The following ZNF484 variants were observed in gnomAD, a reference collection of about 807,000 sequenced individuals.
ZNF484 encodes the protein KRAB box containing C2H2 type zinc finger bA526D8.4.
A neutral mutation model predicts 12.9 loss-of-function variants in ZNF484; 11 were observed. That is an observed-to-expected ratio of 0.85 (90% confidence interval 0.54 to 1.41). The LOEUF is 1.41. ZNF484 is among the 40% of genes most tolerant of loss of function. The pLI, the probability that ZNF484 is intolerant of heterozygous loss-of-function variation, is 0.00. For synonymous variants in ZNF484, 289 were observed against 334.1 expected, an observed-to-expected ratio of 0.86 and a Z score of 1.47; for missense variants, 807 against 1,007.7, an observed-to-expected ratio of 0.80 and a Z score of 2.70.
intron 2 of ZNF484, among the ~76,000 whole-genome samples, chr9:92,856,945 C>T (rs1856502612): frequency 6.6e-6 from 1 of 152,158 alleles, no homozygotes; most frequent in South Asian, 2.1e-4. Context: ...AGGATGGTCT[C>T]GATCTCCTGA....
chr9:92,863,759 G>A (rs956424725), intron 2 of ZNF484, among the ~76,000 whole-genome samples: 6 of 152,224 alleles, frequency 3.9e-5, no homozygotes, highest in African/African-American at 1.4e-4. Flanking sequence ...TGCACATATT[G>A]AGATTACAGG....
chr9:92,857,882 C>T (rs1856557124), intron 2 of ZNF484, among the ~76,000 whole-genome samples: 1 of 152,168 alleles, frequency 6.6e-6, no homozygotes, highest in South Asian at 2.1e-4. Context: ...CTCAGCCCCA[C>T]AAGTAGCTGG....
chr9:92,856,136 G>T, intron 3 of ZNF484, 56 bp downstream of exon 3: 1 of 1,598,182 alleles, frequency 6.3e-7, no homozygotes, highest in Non-Finnish European at 8.5e-7. Context: ...CTACTGAGAA[G>T]AAAAATATAC....
intron 2 of ZNF484, among the ~76,000 whole-genome samples, chr9:92,872,870 CTT>C (rs1857541301): frequency 6.6e-6 from 1 of 151,586 alleles, no homozygotes; most frequent in Non-Finnish European, 1.5e-5. Context: ...TCATCAGAAA[CTT>C]TGGAGGCCAG....
intron 2 of ZNF484, among the ~76,000 whole-genome samples, chr9:92,860,850 AAAG>A (rs1856747072): frequency 6.6e-6 from 1 of 152,164 alleles, no homozygotes; most frequent in Non-Finnish European, 1.5e-5. Context: ...GAATGACAGC[AAAG>A]AAGAAGTAGC....
At position 92,856,321 on chromosome 9, in the gene ZNF484, G is replaced by GC. The variant is rs765822675; in HGVS notation, c.16-4_16-3insG. 3.0e-5 allele frequency: 37 copies of GC among 1,244,806 alleles called. No homozygotes were observed. In the East Asian group the frequency reaches 1.1e-3, roughly 36 times the overall value. The allele number at this position is 1,244,806 out of a possible 1,614,324, so 77.1% of individuals were successfully genotyped here. On this transcript the variant is annotated splice_region_variant and splice_polypyrimidine_tract_variant and intron_variant, in intron 2 of 4. Coordinates refer to ENST00000375495, the MANE Select transcript of ZNF484 (RefSeq NM_031486.4). ...ACGTCCTTGAATGACACTGATTCCT[G>GC]TTAAAAAAAAAAAACAAACTTTAAA...
chr9:92,865,754 A>G lies in ZNF484; in HGVS notation c.15+9261T>C, dbSNP rs182760174. Among the ~76,000 whole-genome samples the G allele has an allele frequency of 1.6e-3, 240 of 152,246 alleles. 1 individual carries two copies. Among genetic ancestry groups the G allele is most frequent in the Non-Finnish European group, 2.3e-3 (154 of 68,014 alleles). On this transcript the variant is annotated intron_variant, in intron 2 of 4. Transcript: ENST00000375495. ...AGACGCCGTCTCTACAAAAAGAAAAAAAAAATTAGCCAGGCATGGTGGCAT... is the reference window on the plus strand; with the variant it reads ...AGACGCCGTCTCTACAAAAAGAAAAGAAAAATTAGCCAGGCATGGTGGCAT...
rs531765672 is a variant in ZNF484 at position 92,844,520 on chromosome 9, T to G, written c.*1708A>C. On this transcript the variant is annotated 3_prime_UTR_variant, in exon 5 of 5. Transcript: ENST00000375495. ...GAAAAATTACACCTAGGCATATCAA[T>G]GTGCAACAGTTAAAAAACAAAGACA... 1.3e-5 allele frequency among the ~76,000 whole-genome samples: 2 copies of G among 152,120 alleles called. No homozygotes were observed. The highest frequency in any genetic ancestry group is 4.8e-5 in the African/African-American group (2 of 41,426).
intron 2 of ZNF484, among the ~76,000 whole-genome samples, chr9:92,864,183 T>G (rs1856936540): frequency 6.6e-6 from 1 of 152,238 alleles, no homozygotes; most frequent in Non-Finnish European, 1.5e-5. Context: ...AATTCTTAGC[T>G]GGCTACTCTG....
chr9:92,874,617 G>A (rs1857683735), intron 2 of ZNF484, among the ~76,000 whole-genome samples: 1 of 152,066 alleles, frequency 6.6e-6, no homozygotes. Flanking sequence ...TGGCCTGTTA[G>A]TGCACTTTCA....
At chr9:92,865,275 A>C (rs553900593) in intron 2 of ZNF484, among the ~76,000 whole-genome samples, 2 of 152,154 alleles carry the variant, frequency 1.3e-5, no homozygotes, top group East Asian at 3.9e-4. Flanking sequence ...ACTTGTCTCT[A>C]TAAAAAATCA....
At chr9:92,862,611 T>C (rs1354263911) in intron 2 of ZNF484, among the ~76,000 whole-genome samples, 1 of 131,150 alleles carries the variant, frequency 7.6e-6, no homozygotes, top group Non-Finnish European at 1.7e-5. Context: ...GAGAAGTCTG[T>C]ATGCAGTGAA....
chr9:92,876,975 A>G (rs1203590588), intron 1 of ZNF484, among the ~76,000 whole-genome samples: 1 of 152,196 alleles, frequency 6.6e-6, no homozygotes, highest in African/African-American at 2.4e-5. Flanking sequence ...CTTCAAGGAA[A>G]ATCTTGATAA....
Position 92,848,300 on chromosome 9 carries a change from G to C in ZNF484, c.487C>G (p.His163Asp), listed in dbSNP as rs375877359. The change falls in exon 5 of 5, where the codon CAT becomes GAT. Residue 163 changes from histidine (H) to aspartate (D), a missense_variant. By Grantham distance (81) the His-to-Asp change is moderately conservative. Coordinates refer to ENST00000375495, the MANE Select transcript of ZNF484 (RefSeq NM_031486.4). This position sits in a 1 kb window ranked among gnomAD's most constrained non-coding sequence, Gnocchi z 4.1. The part of the protein sequence containing the change: ...FEYKDIGEIV[H>D]VNTHLVSSRK... Reference sequence around the variant, plus strand: ...GAGGAAACCAGGTGTGTGTTTACATGAACTATTTCCCCAATGTCCTTATAT... The same window carrying C: ...GAGGAAACCAGGTGTGTGTTTACATCAACTATTTCCCCAATGTCCTTATAT... The C allele has an allele frequency of 1.2e-6, 2 of 1,614,014 alleles. No homozygotes were observed. Among genetic ancestry groups the C allele is most frequent in the African/African-American group, 2.7e-5 (2 of 74,898 alleles).
At position 92,848,096 on chromosome 9, in the gene ZNF484, G is replaced by T. The variant is rs759234676; in HGVS notation, c.691C>A (p.Pro231Thr). The change falls in exon 5 of 5, where the codon CCT (proline) becomes ACT (threonine). Residue 231 changes from proline (P) to threonine (T), a missense_variant. Physicochemically the swap from Pro to Thr is conservative, Grantham distance 38 (BLOSUM62 -1). Coordinates refer to ENST00000375495, the MANE Select transcript of ZNF484 (RefSeq NM_031486.4). The surrounding 1 kb of genome is among the most constrained non-coding windows in gnomAD (Gnocchi z 4.1). ...TACECNQCGK[P>T]LHHKQALIQQ... Reference sequence around the variant, plus strand: ...ATGAGAGCTTGCTTATGATGCAGAGGTTTCCCACATTGGTTACATTCACAA... The same window carrying T: ...ATGAGAGCTTGCTTATGATGCAGAGTTTTCCCACATTGGTTACATTCACAA... The T allele has an allele frequency of 6.2e-7, 1 of 1,614,188 alleles. No homozygotes were observed. The highest frequency in any genetic ancestry group is 2.2e-5 in the East Asian group (1 of 44,882).
At chr9:92,859,794 T>C (rs911408703) in intron 2 of ZNF484, among the ~76,000 whole-genome samples, 6 of 152,200 alleles carry the variant, frequency 3.9e-5, no homozygotes, top group Non-Finnish European at 7.3e-5. Context: ...TATGGTGTTA[T>C]ATAGTGGCTT....
intron 2 of ZNF484, among the ~76,000 whole-genome samples, chr9:92,862,829 T>G (rs1856852984): frequency 6.6e-6 from 1 of 152,194 alleles, no homozygotes; most frequent in African/African-American, 2.4e-5. Context: ...GAATGTAAAT[T>G]TGTTCAACCA....
At chr9:92,864,033 G>C (rs553639212) in intron 2 of ZNF484, among the ~76,000 whole-genome samples, 4 of 152,316 alleles carry the variant, frequency 2.6e-5, no homozygotes, top group African/African-American at 7.2e-5. Flanking sequence ...GTGGGGATTA[G>C]TTGATGGGGT....
intron 1 of ZNF484, among the ~76,000 whole-genome samples, chr9:92,876,413 C>T (rs1309238712): frequency 6.6e-6 from 1 of 152,030 alleles, no homozygotes; most frequent in Non-Finnish European, 1.5e-5. Flanking sequence ...ATTCTATCAA[C>T]AGAGACTATA....
Sources: gnomAD v4.1 joint callset for allele counts (sites outside exome capture counted in the v4.1 genomes callset) on GRCh38, gnomAD v4.1.1 for gene constraint, Gnocchi (gnomAD v3.1) non-coding constraint, MANE v1.5 for transcripts, NCBI Gene and HGNC (gene_info 2026-07-23, HGNC 2026-07-21) for gene names.